The following FBXL20 variants were observed in gnomAD, a reference collection of about 807,000 sequenced individuals.
The protein encoded by FBXL20 is F-box and leucine rich repeat protein 20, also known as F-box/LRR-repeat protein 20.
A neutral mutation model predicts 64.0 loss-of-function variants in FBXL20; 11 were observed. The observed-to-expected ratio is 0.17, with a 90% CI of 0.11 to 0.28. The LOEUF is 0.28. Ranked by LOEUF, FBXL20 falls within the 10% of genes least tolerant of loss-of-function variation. FBXL20 has a pLI of 1.00. For synonymous variants in FBXL20, 184 were observed against 189.0 expected, an observed-to-expected ratio of 0.97 and a Z score of 0.22; for missense variants, 303 against 526.2, an observed-to-expected ratio of 0.58 and a Z score of 4.15.
chr17:39,269,965 T>C (rs954591618), intron 11 of FBXL20, among the ~76,000 whole-genome samples: 6 of 152,208 alleles, frequency 3.9e-5, no homozygotes, highest in Non-Finnish European at 8.8e-5. Flanking sequence ...TAATTAATAT[T>C]CTATCGATCT....
At chr17:39,335,073 C>T (rs2047507250) in intron 2 of FBXL20, among the ~76,000 whole-genome samples, 1 of 152,222 alleles carries the variant, frequency 6.6e-6, no homozygotes, top group Admixed American at 6.5e-5. Flanking sequence ...TATCTCTCCA[C>T]TTCCCAGGCA....
intron 1 of FBXL20, among the ~76,000 whole-genome samples, chr17:39,388,235 T>C (rs533429767): frequency 5.3e-5 from 8 of 152,174 alleles, no homozygotes; most frequent in South Asian, 2.1e-4. Flanking sequence ...GGCAGGCAGA[T>C]TGCTTAAGCT....
chr17:39,353,497 G>C (rs1267993138), intron 1 of FBXL20, among the ~76,000 whole-genome samples: 1 of 151,960 alleles, frequency 6.6e-6, no homozygotes, highest in Non-Finnish European at 1.5e-5. Context: ...TATAAGTATA[G>C]AAAAAATCAT....
intron 6 of FBXL20, among the ~76,000 whole-genome samples, chr17:39,290,685 C>A (rs937900093): frequency 3.3e-5 from 5 of 152,056 alleles, no homozygotes; most frequent in African/African-American, 4.8e-5. Context: ...CCACCTCAGC[C>A]TCCGAGTAGA....
At chr17:39,312,761 T>C (rs1223110498) in intron 2 of FBXL20, among the ~76,000 whole-genome samples, 1 of 147,848 alleles carries the variant, frequency 6.8e-6, no homozygotes, top group Non-Finnish European at 1.5e-5. Flanking sequence ...GTATTTTTAG[T>C]AGAGACGGGT....
chr17:39,324,683 G>C (rs1205631851), intron 2 of FBXL20, among the ~76,000 whole-genome samples: 2 of 151,990 alleles, frequency 1.3e-5, no homozygotes, highest in African/African-American at 4.8e-5. Context: ...TTTTTTTAAA[G>C]AAAACTGCAG....
chr17:39,285,470 A>C lies in FBXL20; in HGVS notation c.494+8T>G, dbSNP rs753517461. 15 of 1,558,678 alleles carry C rather than the reference A, an allele frequency of 9.6e-6. No homozygotes were observed. Among genetic ancestry groups the C allele is most frequent in the Admixed American group, 2.0e-5 (1 of 50,304 alleles). ...GATTACTTGACATGCTTATTATAAG[A>C]AATTTACCTCAGAGCTTTTAGAGAC... On this transcript the variant is annotated splice_region_variant and intron_variant, in intron 7 of 14. Coordinates refer to ENST00000264658, the MANE Select transcript of FBXL20 (RefSeq NM_032875.3).
At chr17:39,292,420 T>G (rs947666882) in intron 6 of FBXL20, among the ~76,000 whole-genome samples, 1 of 151,000 alleles carries the variant, frequency 6.6e-6, no homozygotes, top group Non-Finnish European at 1.5e-5. Flanking sequence ...TCTTGATAGG[T>G]TGCCCAGGCT....
At chr17:39,280,422 A>G (rs60083830) in intron 9 of FBXL20, among the ~76,000 whole-genome samples, 88,253 of 140,570 alleles carry the variant, frequency 0.63, 30,316 homozygotes, top group South Asian at 0.89. Flanking sequence ...AAAAAAAAAA[A>G]GTAGCTGGGT....
intron 9 of FBXL20, among the ~76,000 whole-genome samples, chr17:39,276,351 A>G (rs1311651450): frequency 6.7e-6 from 1 of 150,008 alleles, no homozygotes; most frequent in Non-Finnish European, 1.5e-5. Flanking sequence ...GGAAGAGAAG[A>G]AAGAAAGGAA....
intron 2 of FBXL20, among the ~76,000 whole-genome samples, chr17:39,338,385 G>T (rs1193645167): frequency 2.0e-5 from 3 of 152,114 alleles, no homozygotes; most frequent in African/African-American, 4.8e-5. Context: ...AAGTACCCAG[G>T]GACACAAACA....
At chr17:39,270,529 G>A (rs1428153887) in intron 11 of FBXL20, among the ~76,000 whole-genome samples, 2 of 152,078 alleles carry the variant, frequency 1.3e-5, no homozygotes, top group African/African-American at 2.4e-5. Flanking sequence ...GGGTGACAGA[G>A]CGAGACCCCA....
rs1341426534 is a variant in FBXL20 at position 39,256,256 on chromosome 17, G to C, written c.*5204C>G. On this transcript the variant is annotated 3_prime_UTR_variant, in exon 15 of 15. Transcript: ENST00000264658. ...GAATCACTTGAACCCAGGAGGCAGA[G>C]GTTGCAGTGAACTGAGATTGTGCCA... 1 of 149,766 alleles carries C rather than the reference G, an allele frequency of 6.7e-6. No homozygotes were observed. The highest frequency in any genetic ancestry group is 2.5e-5 in the African/African-American group (1 of 40,588). 9.3% of individuals were successfully genotyped at this position (149,766 alleles called of 1,614,324 possible). A position where few individuals can be genotyped will look rare whatever the true frequency, so the allele number is the denominator to read the frequency against.
At chr17:39,395,349 G>A (rs1482594265) in intron 1 of FBXL20, among the ~76,000 whole-genome samples, 5 of 152,150 alleles carry the variant, frequency 3.3e-5, no homozygotes, top group Non-Finnish European at 4.4e-5. Flanking sequence ...GCTTGAACCT[G>A]GGAGGTGGAG....
chr17:39,358,433 A>G (rs896390650), intron 1 of FBXL20, among the ~76,000 whole-genome samples: 4 of 152,222 alleles, frequency 2.6e-5, no homozygotes, highest in African/African-American at 9.6e-5. Flanking sequence ...CTGTAATCCT[A>G]GCGCTTTGGG....
rs1419950716 is a variant in FBXL20 at position 39,318,973 on chromosome 17, G to A, written c.105-15334C>T. On this transcript the variant is annotated intron_variant, in intron 2 of 14. Transcript: ENST00000264658. ...ACAATATTAAAAAGAATTCTGAGCC[G>A]GGTGTGGTGGCTCACGCCTGTAATC... 3.3e-5 allele frequency among the ~76,000 whole-genome samples: 5 copies of A among 151,710 alleles called. No individual in the cohort carries two copies. The South Asian group carries it at 6.3e-4, about 19-fold the overall frequency.
chr17:39,266,952 T>C (rs1196310400), intron 12 of FBXL20, among the ~76,000 whole-genome samples: 1 of 151,958 alleles, frequency 6.6e-6, no homozygotes, highest in African/African-American at 2.4e-5. Context: ...GGTTAGAAAT[T>C]CAAGACCAGT....
At chr17:39,273,972 C>T (rs950995813) in intron 10 of FBXL20, among the ~76,000 whole-genome samples, 2 of 152,000 alleles carry the variant, frequency 1.3e-5, no homozygotes, top group African/African-American at 4.8e-5. Flanking sequence ...CTCCTGGGCT[C>T]AAGTGATCCT....
chr17:39,338,481 TC>T (rs545487461), intron 2 of FBXL20, among the ~76,000 whole-genome samples: 89 of 152,152 alleles, frequency 5.8e-4, no homozygotes, highest in Non-Finnish European at 9.7e-4. Context: ...TCCACTATTG[TC>T]CTATGACCCT....
Sources: gnomAD v4.1 joint callset for allele counts (sites outside exome capture counted in the v4.1 genomes callset) on GRCh38, gnomAD v4.1.1 for gene constraint, MANE v1.5 for transcripts, NCBI Gene and HGNC (gene_info 2026-07-23, HGNC 2026-07-21) for gene names.